The following DNM3 variants were observed in gnomAD, a reference collection of about 807,000 sequenced individuals.
The protein encoded by DNM3 is dynamin 3.
Under a neutral mutation model 101.6 loss-of-function variants are expected in DNM3, and 47 were observed. That is an observed-to-expected ratio of 0.46 (90% CI 0.37 to 0.59). The LOEUF (loss-of-function observed/expected upper bound fraction) is 0.59. Ranked by LOEUF, DNM3 falls within the 20% of genes least tolerant of loss-of-function variation. DNM3 has a pLI of 0.00. For missense variants in DNM3, 849 were observed against 1,085.7 expected, an observed-to-expected ratio of 0.78 and a Z score of 3.06; for synonymous variants, 385 against 387.9, an observed-to-expected ratio of 0.99 and a Z score of 0.09.
chr1:172,262,358 G>A (rs1372672795), intron 15 of DNM3, among the ~76,000 whole-genome samples: 1 of 152,174 alleles, frequency 6.6e-6, no homozygotes, highest in Non-Finnish European at 1.5e-5. Context: ...AATGCAGCTT[G>A]GTGGGGTGGG....
In DNM3 at chr1:172,387,244, C is replaced by T. The variant is rs755341925; in HGVS notation, c.2170C>T (p.Arg724Ter). The change falls in exon 19 of 21, where the codon CGA becomes TGA. Residue 724 changes from arginine to a stop codon, truncating the protein, a stop_gained. Transcript: ENST00000627582. LOFTEE classifies it high-confidence loss of function. ...GGCTCAGCGCCGGGATGAGATGCTT[C>T]GAATGTATCAAGCACTGAAAGAAGC... The part of the protein sequence containing the change: ...EQAQRRDEML[R>*]MYQALKEALG... The T allele has an allele frequency of 1.2e-6, 2 of 1,613,944 alleles. No homozygotes were observed. Among genetic ancestry groups the T allele is most frequent in the Non-Finnish European group, 1.7e-6 (2 of 1,179,862 alleles).
chr1:172,030,221 G>GAAAC (rs1168283509), intron 4 of DNM3, among the ~76,000 whole-genome samples: 24 of 152,224 alleles, frequency 1.6e-4, no homozygotes, highest in African/African-American at 5.5e-4. Flanking sequence ...ATAGACCAAT[G>GAAAC]AAACAGAACA....
chr1:172,037,268 G>A (rs1176384421), intron 6 of DNM3, among the ~76,000 whole-genome samples: 2 of 152,146 alleles, frequency 1.3e-5, no homozygotes, highest in African/African-American at 4.8e-5. Flanking sequence ...AATACCATTT[G>A]ACCCAGCCAT....
At chr1:172,345,016 A>G (rs1461388379) in intron 17 of DNM3, among the ~76,000 whole-genome samples, 3 of 152,226 alleles carry the variant, frequency 2.0e-5, no homozygotes, top group African/African-American at 7.2e-5. Flanking sequence ...TAAAAGTTTT[A>G]TTCTATCTGT....
chr1:172,152,056 T>C (rs958880236), intron 14 of DNM3, among the ~76,000 whole-genome samples: 1 of 152,038 alleles, frequency 6.6e-6, no homozygotes, highest in Non-Finnish European at 1.5e-5. Flanking sequence ...CTTAATTTTT[T>C]TATTTTTTTG....
chr1:171,932,986 A>G (rs2041145212), intron 2 of DNM3, among the ~76,000 whole-genome samples: 1 of 152,124 alleles, frequency 6.6e-6, no homozygotes, highest in Non-Finnish European at 1.5e-5. Context: ...GTCCTTGACC[A>G]TTCCTTCTTT....
At chr1:172,193,289 G>A (rs1423819333) in intron 14 of DNM3, among the ~76,000 whole-genome samples, 4 of 151,986 alleles carry the variant, frequency 2.6e-5, no homozygotes, top group African/African-American at 4.8e-5. Flanking sequence ...TTTTTGCATC[G>A]ATGTTCATCA....
At chr1:172,385,975 G>A (rs1015456863) in intron 18 of DNM3, among the ~76,000 whole-genome samples, 2 of 152,122 alleles carry the variant, frequency 1.3e-5, no homozygotes, top group East Asian at 1.9e-4. Context: ...AATGGGCACC[G>A]GACTTCAAGT....
At chr1:172,138,209 T>G (rs1445436736) in intron 14 of DNM3, 6 of 152,056 alleles carry the variant, frequency 3.9e-5, no homozygotes, top group Non-Finnish European at 7.4e-5. Flanking sequence ...TAGTTGGAAA[T>G]AGTAGTCTTT....
intron 10 of DNM3, among the ~76,000 whole-genome samples, chr1:172,066,234 T>G (rs2051652467): frequency 6.6e-6 from 1 of 152,158 alleles, no homozygotes; most frequent in African/African-American, 2.4e-5. Flanking sequence ...TGGATGTGTC[T>G]TAGTCCATTT....
At chr1:172,254,989 A>G (rs1355080478) in intron 15 of DNM3, among the ~76,000 whole-genome samples, 1 of 152,136 alleles carries the variant, frequency 6.6e-6, no homozygotes, top group African/African-American at 2.4e-5. Flanking sequence ...GAATGAAGTT[A>G]CTTGATTAGG....
chr1:172,306,332 C>G (rs889641092), intron 15 of DNM3, among the ~76,000 whole-genome samples: 2 of 152,096 alleles, frequency 1.3e-5, no homozygotes, highest in East Asian at 3.9e-4. Context: ...GCATGTGAAG[C>G]ACCTCTTCAA....
intron 13 of DNM3, among the ~76,000 whole-genome samples, chr1:172,112,369 C>G (rs1217034960): frequency 6.6e-6 from 1 of 152,186 alleles, no homozygotes; most frequent in African/African-American, 2.4e-5. Context: ...TGAAGTCCAG[C>G]ACCAGAGCTG....
chr1:172,402,275 T>G (rs1417347071), intron 20 of DNM3, among the ~76,000 whole-genome samples: 1 of 152,192 alleles, frequency 6.6e-6, no homozygotes, highest in East Asian at 1.9e-4. Context: ...GATAAAACCC[T>G]TCATTTTTTA....
chr1:171,969,395 T>C (rs1211322288), intron 2 of DNM3, among the ~76,000 whole-genome samples: 1 of 152,170 alleles, frequency 6.6e-6, no homozygotes, highest in African/African-American at 2.4e-5. Context: ...ATGAAGTTCC[T>C]GTGAGCTCTG....
chr1:172,011,161 G>T (rs1370001132), intron 4 of DNM3, among the ~76,000 whole-genome samples: 1 of 151,732 alleles, frequency 6.6e-6, no homozygotes, highest in African/African-American at 2.4e-5. Context: ...AACCTTTCTG[G>T]TGTCTCTAAT....
At chr1:172,102,067 C>T (rs535062357) in intron 13 of DNM3, among the ~76,000 whole-genome samples, 37 of 152,036 alleles carry the variant, frequency 2.4e-4, no homozygotes, top group Middle Eastern at 3.4e-3. Flanking sequence ...CCATGTTGGC[C>T]AGGCTGGTCT....
At chr1:171,910,907 A>G (rs1173009440) in intron 1 of DNM3, among the ~76,000 whole-genome samples, 1 of 152,218 alleles carries the variant, frequency 6.6e-6, no homozygotes, top group Non-Finnish European at 1.5e-5. Context: ...TGCTTCCCAC[A>G]GGAGGCTGCA....
At chr1:172,134,477 A>T (rs1207819229) in intron 14 of DNM3, among the ~76,000 whole-genome samples, 2 of 152,166 alleles carry the variant, frequency 1.3e-5, no homozygotes, top group Admixed American at 6.5e-5. Flanking sequence ...AGAGATAAAG[A>T]ATTGAGGCTC....
Sources: allele counts gnomAD v4.1 joint callset (sites outside exome capture counted in the v4.1 genomes callset), GRCh38; gene constraint gnomAD v4.1.1; transcripts MANE v1.5; gene names NCBI Gene and HGNC (gene_info 2026-07-23, HGNC 2026-07-21).